The following LRRIQ3 variants were observed in gnomAD, a reference collection of about 807,000 sequenced individuals.
LRRIQ3 encodes leucine-rich repeat and IQ domain-containing protein 3.
In LRRIQ3, 75 loss-of-function variants were observed where a neutral mutation model predicts 59.3. The ratio of observed to expected loss-of-function variants is 1.26; its 90% CI spans 1.05 to 1.53. The LOEUF (loss-of-function observed/expected upper bound fraction) is 1.53, where lower values mean the gene tolerates loss of function less well. LRRIQ3 is among the 40% of genes most tolerant of loss of function. LRRIQ3 has a pLI of 0.00. For synonymous variants in LRRIQ3, 250 were observed against 231.3 expected, an observed-to-expected ratio of 1.08 and a Z score of -0.73; for missense variants, 831 against 710.0, an observed-to-expected ratio of 1.17 and a Z score of -1.94.
At chr1:74,051,332 T>C (rs1200533514) in intron 6 of LRRIQ3, among the ~76,000 whole-genome samples, 1 of 152,192 alleles carries the variant, frequency 6.6e-6, no homozygotes, top group Non-Finnish European at 1.5e-5. Context: ...TGCTTTTTGA[T>C]TATCAGTTAT....
At chr1:74,182,115 C>T (rs1192854724) in intron 3 of LRRIQ3, 1 of 151,810 alleles carries the variant, frequency 6.6e-6, no homozygotes, top group African/African-American at 2.4e-5. Context: ...TTTTATAAAT[C>T]AATAGATAAT....
intron 4 of LRRIQ3, among the ~76,000 whole-genome samples, chr1:74,148,799 G>A (rs937321056): frequency 6.6e-6 from 1 of 152,140 alleles, no homozygotes; most frequent in African/African-American, 2.4e-5. Flanking sequence ...GGGAACAAAA[G>A]CCATGTGGGT....
intron 6 of LRRIQ3, among the ~76,000 whole-genome samples, chr1:74,057,443 T>A (rs1189616763): frequency 2.0e-5 from 3 of 152,106 alleles, no homozygotes; most frequent in African/African-American, 7.2e-5. Flanking sequence ...AATAAATTCA[T>A]ACATTCACAG....
chr1:74,154,254 A>C (rs1332826492), intron 4 of LRRIQ3, among the ~76,000 whole-genome samples: 9 of 29,564 alleles, frequency 3.0e-4, no homozygotes, highest in African/African-American at 8.5e-4. Flanking sequence ...AAAAAAAAAA[A>C]AAAAAAAAAA....
intron 7 of LRRIQ3, among the ~76,000 whole-genome samples, chr1:74,029,485 T>C (rs544193763): frequency 1.3e-5 from 2 of 152,158 alleles, no homozygotes; most frequent in Non-Finnish European, 2.9e-5. Context: ...GTTCTGTTTA[T>C]ATGCTGGATT....
chr1:74,170,018 TTTTG>T (rs1443339909), intron 3 of LRRIQ3, among the ~76,000 whole-genome samples: 10 of 152,298 alleles, frequency 6.6e-5, no homozygotes, highest in Admixed American at 1.3e-4. Context: ...TCGGGTTATT[TTTTG>T]TTTGTTTGTC....
At chr1:74,145,019 A>G (rs4557914) in intron 4 of LRRIQ3, among the ~76,000 whole-genome samples, 149,089 of 152,212 alleles carry the variant, frequency 0.98, 73,095 homozygotes, top group Middle Eastern at 1. Context: ...TGATAATATG[A>G]TCTATGCATA....
chr1:74,062,423 T>A (rs115093170), intron 6 of LRRIQ3, among the ~76,000 whole-genome samples: 1,826 of 152,148 alleles, frequency 0.012, 36 homozygotes, highest in African/African-American at 0.041. Context: ...GCCAAGGTTG[T>A]GGAGGAAAGG....
intron 4 of LRRIQ3, among the ~76,000 whole-genome samples, chr1:74,134,281 T>C (rs917708792): frequency 2.0e-5 from 3 of 151,942 alleles, no homozygotes; most frequent in Admixed American, 2.0e-4. Flanking sequence ...ATAATAAATA[T>C]AAATAAGAAC....
At chr1:74,108,837 T>C in intron 5 of LRRIQ3, 1 of 356,866 alleles carries the variant, frequency 2.8e-6, no homozygotes. Flanking sequence ...TTAATTAACC[T>C]CTATGTCTCT....
At position 74,041,660 on chromosome 1, in the gene LRRIQ3, T is replaced by C. The variant is rs757451201; in HGVS notation, c.1271A>G (p.Asp424Gly). 2 of 1,613,650 alleles carry C rather than the reference T, an allele frequency of 1.2e-6. No homozygotes were observed. Among genetic ancestry groups the C allele is most frequent in the African/African-American group, 2.7e-5 (2 of 74,910 alleles). Reference sequence around the variant, plus strand: ...CTTCTTTTGTTCTGTGTAATATTTGTCAATATCACTAAATGTTCGGAGTTT... The same window carrying C: ...CTTCTTTTGTTCTGTGTAATATTTGCCAATATCACTAAATGTTCGGAGTTT... Reference protein sequence around the residue: ...GMKLRTFSDIDKYYTEQKKQE... With the variant: ...GMKLRTFSDIGKYYTEQKKQE... Residue 424 changes from aspartate (D) to glycine (G), a missense_variant, in exon 7 of 8, where the codon GAC becomes GGC. By Grantham distance (94) the Asp-to-Gly change is moderately conservative (BLOSUM62 -1). Coordinates refer to ENST00000354431, the MANE Select transcript of LRRIQ3 (RefSeq NM_001105659.2).
intron 4 of LRRIQ3, among the ~76,000 whole-genome samples, chr1:74,125,826 G>A (rs1250046921): frequency 1.3e-5 from 2 of 151,734 alleles, no homozygotes; most frequent in Non-Finnish European, 3.0e-5. Context: ...TTTTTGACCT[G>A]TCTTTTTCTG....
At chr1:74,069,735 G>A (rs1654967865) in intron 6 of LRRIQ3, among the ~76,000 whole-genome samples, 1 of 151,958 alleles carries the variant, frequency 6.6e-6, no homozygotes, top group Admixed American at 6.6e-5. Context: ...GTAGGTGCAT[G>A]GAGACTTTGA....
intron 7 of LRRIQ3, among the ~76,000 whole-genome samples, chr1:74,034,930 A>C (rs185272567): frequency 6.6e-6 from 1 of 152,168 alleles, no homozygotes; most frequent in Admixed American, 6.6e-5. Context: ...GTATGTACAT[A>C]ATTTGGCCAT....
chr1:74,132,695 C>A (rs1026677132), intron 4 of LRRIQ3, among the ~76,000 whole-genome samples: 1 of 152,188 alleles, frequency 6.6e-6, no homozygotes. Flanking sequence ...CTTCCTTATA[C>A]CTTATACAAA....
At chr1:74,077,868 C>T (rs1646227744) in intron 5 of LRRIQ3, among the ~76,000 whole-genome samples, 1 of 151,724 alleles carries the variant, frequency 6.6e-6, no homozygotes, top group African/African-American at 2.4e-5. Flanking sequence ...TCTTTGAGCT[C>T]ATAGAGAAGG....
chr1:74,131,077 A>G (rs1046714835), intron 4 of LRRIQ3, among the ~76,000 whole-genome samples: 1 of 152,182 alleles, frequency 6.6e-6, no homozygotes, highest in African/African-American at 2.4e-5. Context: ...ACAAACTACC[A>G]TCAAAGAATA....
chr1:74,183,271 C>A (rs1447390545), intron 2 of LRRIQ3, 165 bp downstream of exon 2: 3 of 501,220 alleles, frequency 6.0e-6, no homozygotes, highest in Non-Finnish European at 1.0e-5. Flanking sequence ...ATCAAAGTGT[C>A]CGTATTTATA....
Position 74,182,867 on chromosome 1 carries a change from A to ATAT in LRRIQ3, c.250-9_250-7dup. 7.2e-7 allele frequency: 1 copy of ATAT among 1,386,216 alleles called. No individual in the cohort carries two copies. Among genetic ancestry groups the ATAT allele is most frequent in the Non-Finnish European group, 9.6e-7 (1 of 1,045,288 alleles). The allele number at this position is 1,386,216 out of a possible 1,614,324, so 85.9% of individuals were successfully genotyped here. On this transcript the variant is annotated splice_region_variant and splice_polypyrimidine_tract_variant and intron_variant, in intron 2 of 7. Transcript: ENST00000354431. ...GTATTTGGTAGACTCTTTATCTGAA[A>ATAT]TATTATTAAAAATCTTTTAAATTCC...
Sources: gnomAD v4.1 joint callset for allele counts (sites outside exome capture counted in the v4.1 genomes callset) on GRCh38, gnomAD v4.1.1 for gene constraint, MANE v1.5 for transcripts, NCBI Gene and HGNC (gene_info 2026-07-23, HGNC 2026-07-21) for gene names.